Variants in TRMT1L observed in about 807,000 individuals in gnomAD.
TRMT1L encodes the protein tRNA (guanine(27)-N(2))-dimethyltransferase.
A neutral mutation model predicts 81.6 loss-of-function variants in TRMT1L; 28 were observed. The ratio of observed to expected loss-of-function variants is 0.34; its 90% confidence interval spans 0.25 to 0.47. The LOEUF (loss-of-function observed/expected upper bound fraction) is 0.47. Among genes scored for constraint, TRMT1L ranks in the 20% least tolerant of loss-of-function variants. The pLI is 1.00. For synonymous variants in TRMT1L, 301 were observed against 303.2 expected (o/e 0.99, Z 0.07); for missense variants, 739 against 877.1 (o/e 0.84, Z 1.99).
At chr1:185,140,466 G>A (rs1653008793) in intron 7 of TRMT1L, among the ~76,000 whole-genome samples, 2 of 151,820 alleles carry the variant, frequency 1.3e-5, no homozygotes, top group African/African-American at 2.4e-5. Flanking sequence ...AAATCTCTAT[G>A]TATGCTTTTT....
chr1:185,128,958 A>G (rs1179176781), intron 10 of TRMT1L, among the ~76,000 whole-genome samples: 1 of 152,094 alleles, frequency 6.6e-6, no homozygotes, highest in African/African-American at 2.4e-5. Flanking sequence ...ACACACACAT[A>G]TATATATTTT....
At position 185,144,406 on chromosome 1, in the gene TRMT1L, A is replaced by G. The variant is rs185418764; in HGVS notation, c.656-377T>C. 3.0e-3 allele frequency among the ~76,000 whole-genome samples: 450 copies of G among 152,152 alleles called. 4 individuals carry two copies. Among genetic ancestry groups the G allele is most frequent in the African/African-American group, 0.01 (424 of 41,558 alleles). On this transcript the variant is annotated intron_variant, in intron 5 of 14. Transcript: ENST00000367506. ...CATCAAACACTACATTGTTTGCTAA[A>G]TATATTTCACTATGGTATAATTGTT...
chr1:185,135,938 C>T (rs2102241325), intron 10 of TRMT1L, among the ~76,000 whole-genome samples: 1 of 152,108 alleles, frequency 6.6e-6, no homozygotes, highest in Non-Finnish European at 1.5e-5. Flanking sequence ...ACTTTTATTA[C>T]AATTAATCAA....
intron 1 of TRMT1L, 28 bp from the exon 2 acceptor site, chr1:185,151,963 C>CT (rs1310667174): frequency 7.1e-7 from 1 of 1,413,408 alleles, no homozygotes; most frequent in Non-Finnish European, 9.7e-7. Context: ...GAAGATTATG[C>CT]TTTAACAGTT....
intron 7 of TRMT1L, among the ~76,000 whole-genome samples, chr1:185,142,830 A>C (rs1240428144): frequency 6.6e-6 from 1 of 152,176 alleles, no homozygotes; most frequent in South Asian, 2.1e-4. Context: ...CACACACAGA[A>C]AATGATAGAA....
chr1:185,120,322 T>TA (rs1652468047), intron 14 of TRMT1L, 51 bp from the exon 15 acceptor site: 1 of 1,477,388 alleles, frequency 6.8e-7, no homozygotes, highest in East Asian at 2.4e-5. Context: ...TATTTTTATT[T>TA]AAATCACAAT....
chr1:185,133,689 C>A (rs902287356), intron 10 of TRMT1L, among the ~76,000 whole-genome samples: 1 of 150,802 alleles, frequency 6.6e-6, no homozygotes, highest in Non-Finnish European at 1.5e-5. Context: ...CCTTGAACTA[C>A]TGGGTTCAAG....
chr1:185,129,520 G>A (rs1487003565), intron 10 of TRMT1L, among the ~76,000 whole-genome samples: 2 of 152,168 alleles, frequency 1.3e-5, no homozygotes, highest in Non-Finnish European at 2.9e-5. Context: ...GGCCCAAATA[G>A]TCATTTTATA....
In TRMT1L at chr1:185,150,244, T is replaced by C. The variant is rs940790416; in HGVS notation, c.460+135A>G. ...GCTATATGGTGTTTTATTAAATACA[T>C]TAGAAATGAGGGCATTAAACCCCTC... On this transcript the variant is annotated intron_variant, in intron 3 of 14. Transcript: ENST00000367506. The C allele has an allele frequency of 1.4e-5, 9 of 638,670 alleles. No homozygotes were observed. The African/African-American group carries it at 1.5e-4, about 10-fold the overall frequency. 39.6% of individuals were successfully genotyped at this position (638,670 alleles called of 1,614,324 possible). A position where few individuals can be genotyped will look rare whatever the true frequency, so the allele number is the denominator to read the frequency against.
At chr1:185,124,647 T>C (rs1481902708) in intron 12 of TRMT1L, among the ~76,000 whole-genome samples, 1 of 151,894 alleles carries the variant, frequency 6.6e-6, no homozygotes, top group Non-Finnish European at 1.5e-5. Context: ...GTGAGCCATG[T>C]TTGTGCCACT....
At chr1:185,151,992 T>C in intron 1 of TRMT1L, 57 bp from the exon 2 acceptor site, 3 of 1,079,642 alleles carry the variant, frequency 2.8e-6, no homozygotes, top group Non-Finnish European at 4.0e-6. Context: ...AGTTCCATTT[T>C]TATTGATCAC....
In TRMT1L at chr1:185,139,438, G is replaced by A. The variant is rs777320503; in HGVS notation, c.1251C>T (p.Tyr417=). Residue 417 remains tyrosine, a synonymous_variant, in exon 9 of 15, where the codon TAC becomes TAT. Coordinates refer to ENST00000367506, the MANE Select transcript of TRMT1L (RefSeq NM_030934.5). ...ATTCAGTTCGGACAATGTTACATCC[G>A]TAGTGACGCCGGGCAACATGCTGTG... The part of the protein sequence containing the change: ...AKAQHVARRH[Y]GCNIVRTEYY... 6.2e-6 allele frequency: 10 copies of A among 1,614,124 alleles called. No individual in the cohort carries two copies. In the Admixed American group the frequency reaches 8.3e-5, roughly 13 times the overall value.
chr1:185,131,048 C>A (rs939449087), intron 10 of TRMT1L, among the ~76,000 whole-genome samples: 1 of 151,758 alleles, frequency 6.6e-6, no homozygotes, highest in African/African-American at 2.4e-5. Context: ...TGCCTAGGCT[C>A]AAGTGCAGTG....
At chr1:185,152,436 G>A (rs1195411326) in intron 1 of TRMT1L, among the ~76,000 whole-genome samples, 8 of 152,206 alleles carry the variant, frequency 5.3e-5, no homozygotes, top group Non-Finnish European at 1.2e-4. Flanking sequence ...TTGGGGGGAT[G>A]GAGTCAGTAG....
chr1:185,134,444 C>G (rs1047380474), intron 10 of TRMT1L, among the ~76,000 whole-genome samples: 12 of 152,204 alleles, frequency 7.9e-5, no homozygotes, highest in Admixed American at 2.0e-4. Context: ...GCCTCAGCCT[C>G]CCAAACTGTT....
At chr1:185,139,275 G>T in intron 9 of TRMT1L, 92 bp downstream of exon 9, 2 of 979,628 alleles carry the variant, frequency 2.0e-6, no homozygotes, top group Non-Finnish European at 3.0e-6. Context: ...TATATTTTGT[G>T]CATATTTTGA....
intron 10 of TRMT1L, among the ~76,000 whole-genome samples, chr1:185,130,877 C>T (rs1300645672): frequency 6.6e-6 from 1 of 152,126 alleles, no homozygotes; most frequent in Non-Finnish European, 1.5e-5. Flanking sequence ...TGGTTGATTC[C>T]TCTCTGGAAA....
chr1:185,143,330 G>T, intron 7 of TRMT1L, 27 bp downstream of exon 7: 3 of 1,547,950 alleles, frequency 1.9e-6, no homozygotes, highest in South Asian at 1.2e-5. Context: ...AAATAAAATG[G>T]GGTTCCAAAA....
At chr1:185,130,405 TGA>T (rs1049741357) in intron 10 of TRMT1L, among the ~76,000 whole-genome samples, 9 of 152,042 alleles carry the variant, frequency 5.9e-5, no homozygotes, top group African/African-American at 2.2e-4. Context: ...TAACAAAAGA[TGA>T]GAGATGCCAA....
Sources: gnomAD v4.1 joint callset for allele counts (sites outside exome capture counted in the v4.1 genomes callset) on GRCh38, gnomAD v4.1.1 for gene constraint, MANE v1.5 for transcripts, NCBI Gene and HGNC (gene_info 2026-07-23, HGNC 2026-07-21) for gene names.